The following OPCML variants were observed in gnomAD, a reference collection of about 807,000 sequenced individuals.
OPCML encodes the protein opioid-binding protein/cell adhesion molecule.
Under a neutral mutation model 37.8 loss-of-function variants are expected in OPCML, and 13 were observed. The ratio of observed to expected loss-of-function variants is 0.34; its 90% CI spans 0.22 to 0.55. The LOEUF (loss-of-function observed/expected upper bound fraction) is 0.55, where lower values mean the gene tolerates loss of function less well. OPCML is among the 20% of genes least tolerant of loss of function. The pLI is 0.91. For missense variants in OPCML, 341 were observed against 435.6 expected (o/e 0.78, Z 1.93); for synonymous variants, 176 against 168.8 (o/e 1.04, Z -0.33).
chr11:133,514,328 C>T (rs956711196), intron 1 of OPCML, among the ~76,000 whole-genome samples: 4 of 152,188 alleles, frequency 2.6e-5, no homozygotes, highest in Non-Finnish European at 4.4e-5. Context: ...ACACTGACCT[C>T]TGGAATGTGG....
intron 3 of OPCML, among the ~76,000 whole-genome samples, chr11:132,611,508 C>T (rs961127917): frequency 3.3e-5 from 5 of 152,234 alleles, no homozygotes; most frequent in Admixed American, 3.3e-4. Flanking sequence ...ATAGTTATTG[C>T]TTTTTTCTTT....
At chr11:132,876,763 T>C (rs1034112774) in intron 2 of OPCML, among the ~76,000 whole-genome samples, 12 of 152,138 alleles carry the variant, frequency 7.9e-5, no homozygotes, top group African/African-American at 2.4e-4. Flanking sequence ...AAGGAAAAGG[T>C]AAACATGCCT....
At chr11:132,423,907 A>C (rs771813830) in intron 7 of OPCML, among the ~76,000 whole-genome samples, 16 of 152,178 alleles carry the variant, frequency 1.1e-4, no homozygotes, top group Admixed American at 2.0e-4. Flanking sequence ...TGAAGCTTGC[A>C]TACATGGCTT....
chr11:133,160,741 C>T (rs1221016038), intron 1 of OPCML, among the ~76,000 whole-genome samples: 1 of 152,194 alleles, frequency 6.6e-6, no homozygotes, highest in Non-Finnish European at 1.5e-5. Flanking sequence ...GCCTGGGATT[C>T]TTTCAGCCTG....
At chr11:132,973,686 C>T (rs1272472402) in intron 1 of OPCML, among the ~76,000 whole-genome samples, 1 of 152,172 alleles carries the variant, frequency 6.6e-6, no homozygotes, top group Non-Finnish European at 1.5e-5. Context: ...AGGCAAAGAC[C>T]CTTCAGCCTT....
At position 133,350,153 on chromosome 11, in the gene OPCML, C is replaced by T. The variant is rs922210253; in HGVS notation, c.61+182111G>A. On this transcript the variant is annotated intron_variant, in intron 1 of 7. Coordinates refer to ENST00000524381, the MANE Select transcript of OPCML (RefSeq NM_001012393.5). Reference sequence around the variant, plus strand: ...TGATGCCTCTAAAAGGGACAGCCCCCTTTTCTGTGGAACCAACTGCATTGG... The same window carrying T: ...TGATGCCTCTAAAAGGGACAGCCCCTTTTTCTGTGGAACCAACTGCATTGG... 2.6e-5 allele frequency among the ~76,000 whole-genome samples: 4 copies of T among 152,192 alleles called. No individual in the cohort carries two copies. In the East Asian group the frequency reaches 7.7e-4, roughly 29 times the overall value.
intron 3 of OPCML, among the ~76,000 whole-genome samples, chr11:132,572,077 C>A (rs1208378243): frequency 6.7e-6 from 1 of 149,486 alleles, no homozygotes; most frequent in East Asian, 1.9e-4. Context: ...GGAGAAATGG[C>A]TATTCAAGTA....
intron 1 of OPCML, among the ~76,000 whole-genome samples, chr11:133,157,343 C>T (rs917714570): frequency 6.6e-6 from 1 of 152,148 alleles, no homozygotes; most frequent in Non-Finnish European, 1.5e-5. Flanking sequence ...CAGCTGCAGT[C>T]GGAGCTCTCC....
intron 3 of OPCML, among the ~76,000 whole-genome samples, chr11:132,641,293 G>T (rs1449203102): frequency 6.6e-6 from 1 of 152,196 alleles, no homozygotes; most frequent in Non-Finnish European, 1.5e-5. Context: ...TCAGCTTGAG[G>T]AAAGGCACTG....
chr11:132,514,802 G>C (rs1025091021), intron 4 of OPCML, among the ~76,000 whole-genome samples: 9 of 152,128 alleles, frequency 5.9e-5, no homozygotes, highest in Non-Finnish European at 1.3e-4. Flanking sequence ...AAAGAGGAGT[G>C]GGTAGGGTTC....
At chr11:133,374,794 A>G (rs1301022284) in intron 1 of OPCML, among the ~76,000 whole-genome samples, 1 of 152,136 alleles carries the variant, frequency 6.6e-6, no homozygotes. Context: ...GGCCTCCAAG[A>G]CAATTAGTAT....
chr11:132,808,626 T>C (rs1325222361), intron 2 of OPCML, among the ~76,000 whole-genome samples: 1 of 152,182 alleles, frequency 6.6e-6, no homozygotes, highest in Admixed American at 6.5e-5. Context: ...GAAACACGAC[T>C]GTGAGCGGGT....
At chr11:133,026,283 A>G in intron 1 of OPCML, 2 of 817,000 alleles carry the variant, frequency 2.4e-6, no homozygotes, top group Non-Finnish European at 3.0e-6. Context: ...AAAAATGGTC[A>G]AAATGGATTT....
At chr11:133,365,468 G>A (rs1027094644) in intron 1 of OPCML, 11 of 152,114 alleles carry the variant, frequency 7.2e-5, no homozygotes, top group African/African-American at 2.4e-4. Flanking sequence ...CCTTATATAA[G>A]GTGCTAATCC....
At chr11:133,300,322 T>A (rs567507784) in intron 1 of OPCML, 4 of 152,152 alleles carry the variant, frequency 2.6e-5, no homozygotes, top group Non-Finnish European at 5.9e-5. Context: ...TCTCCCCTGC[T>A]GCTCTTGTGT....
intron 2 of OPCML, among the ~76,000 whole-genome samples, chr11:132,731,977 A>G (rs1939503): frequency 0.33 from 49,478 of 151,990 alleles, 8,182 homozygotes; most frequent in Middle Eastern, 0.38. Context: ...TACTAAGAGA[A>G]TGGATTTGAG....
At chr11:132,687,443 C>T (rs1248725287) in intron 2 of OPCML, among the ~76,000 whole-genome samples, 2 of 111,250 alleles carry the variant, frequency 1.8e-5, no homozygotes, top group African/African-American at 3.5e-5. Flanking sequence ...ATCTGTATAG[C>T]AAGAAGTGCT....
At chr11:133,099,778 T>C (rs915036359) in intron 1 of OPCML, among the ~76,000 whole-genome samples, 1 of 152,176 alleles carries the variant, frequency 6.6e-6, no homozygotes, top group Non-Finnish European at 1.5e-5. Flanking sequence ...GTTGTTCGCT[T>C]GTTGAATTGT....
intron 1 of OPCML, among the ~76,000 whole-genome samples, chr11:133,397,491 A>G (rs1255714895): frequency 6.6e-6 from 1 of 152,218 alleles, no homozygotes; most frequent in Non-Finnish European, 1.5e-5. Context: ...CCTGCTTTGT[A>G]AAGTCTTTAA....
Sources: gnomAD v4.1 joint callset for allele counts (sites outside exome capture counted in the v4.1 genomes callset) on GRCh38, gnomAD v4.1.1 for gene constraint, MANE v1.5 for transcripts, NCBI Gene and HGNC (gene_info 2026-07-23, HGNC 2026-07-21) for gene names.